THSD7B: variants seen among roughly 807,000 people sequenced by gnomAD.
THSD7B encodes thrombospondin type-1 domain-containing protein 7B.
A neutral mutation model predicts 213.6 loss-of-function variants in THSD7B; 138 were observed. That is an observed-to-expected ratio of 0.65 (90% CI 0.56 to 0.74). THSD7B has a LOEUF of 0.74. THSD7B is among the 30% of genes least tolerant of loss of function. The pLI, the probability that THSD7B is intolerant of heterozygous loss-of-function variation, is 0.00. For missense variants in THSD7B, 1,931 were observed against 1,991.5 expected (o/e 0.97, Z 0.58); for synonymous variants, 742 against 687.0 (o/e 1.08, Z -1.25).
chr2:137,259,452 TTA>T (rs1231256648), intron 10 of THSD7B, among the ~76,000 whole-genome samples: 1 of 152,232 alleles, frequency 6.6e-6, no homozygotes, highest in East Asian at 1.9e-4. Context: ...ATGAGCTTTT[TTA>T]TATATGTTTG....
intron 7 of THSD7B, among the ~76,000 whole-genome samples, chr2:137,193,254 T>G (rs2105016603): frequency 6.6e-6 from 1 of 152,330 alleles, no homozygotes; most frequent in East Asian, 1.9e-4. Flanking sequence ...TGAACATTCA[T>G]GTGGATGTGT....
chr2:137,527,955 C>T (rs1680310289), intron 15 of THSD7B, among the ~76,000 whole-genome samples: 1 of 152,000 alleles, frequency 6.6e-6, no homozygotes, highest in Middle Eastern at 3.2e-3. Context: ...CAATTAATTC[C>T]TAGAGCCTAC....
At chr2:137,676,460 C>G in intron 27 of THSD7B, 64 bp from the exon 28 acceptor site, 1 of 1,409,808 alleles carries the variant, frequency 7.1e-7, no homozygotes, top group Admixed American at 2.7e-5. Flanking sequence ...TCAAAATTGT[C>G]TTTGGCAGAT....
intron 14 of THSD7B, among the ~76,000 whole-genome samples, chr2:137,440,904 T>G (rs1687394832): frequency 6.6e-6 from 1 of 152,052 alleles, no homozygotes; most frequent in Admixed American, 6.5e-5. Flanking sequence ...ATGAGACACA[T>G]AGAGAAATCT....
intron 7 of THSD7B, among the ~76,000 whole-genome samples, chr2:137,181,214 A>C (rs1680446163): frequency 6.6e-6 from 1 of 152,192 alleles, no homozygotes; most frequent in Non-Finnish European, 1.5e-5. Flanking sequence ...AGATATGTGA[A>C]ATCACAAAGA....
chr2:137,125,544 A>G (rs1005336277), intron 5 of THSD7B, among the ~76,000 whole-genome samples: 1 of 152,164 alleles, frequency 6.6e-6, no homozygotes, highest in Non-Finnish European at 1.5e-5. Context: ...ATGTGTAGTT[A>G]CTTATTCCAC....
chr2:136,972,933 A>T (rs1255932811), intron 2 of THSD7B, among the ~76,000 whole-genome samples: 1 of 152,132 alleles, frequency 6.6e-6, no homozygotes, highest in South Asian at 2.1e-4. Flanking sequence ...TGAGATTCAG[A>T]TAAATTCTTC....
intron 4 of THSD7B, 140 bp from the exon 5 acceptor site, chr2:137,114,984 A>G: frequency 1.2e-6 from 1 of 818,154 alleles, no homozygotes; most frequent in Non-Finnish European, 1.9e-6. Flanking sequence ...ATTCAAAGCT[A>G]GTATACTTCT....
intron 2 of THSD7B, among the ~76,000 whole-genome samples, chr2:136,954,121 A>G (rs1685084016): frequency 6.6e-6 from 1 of 152,208 alleles, no homozygotes; most frequent in Non-Finnish European, 1.5e-5. Context: ...GTTTGCAATA[A>G]TCGGTTGTTT....
chr2:136,962,756 A>G (rs543119832), intron 2 of THSD7B, among the ~76,000 whole-genome samples: 2 of 152,334 alleles, frequency 1.3e-5, no homozygotes, highest in South Asian at 4.1e-4. Flanking sequence ...AAAGCACTAC[A>G]GAAAATAATA....
chr2:137,288,683 A>G (rs1683243932), intron 12 of THSD7B, among the ~76,000 whole-genome samples: 1 of 152,078 alleles, frequency 6.6e-6, no homozygotes, highest in Admixed American at 6.6e-5. Flanking sequence ...ATAGGATAAT[A>G]TTGACATTAA....
chr2:136,802,403 C>T (rs886816407), intron 1 of THSD7B, among the ~76,000 whole-genome samples: 2 of 151,656 alleles, frequency 1.3e-5, no homozygotes, highest in African/African-American at 4.8e-5. Flanking sequence ...GGCCAAAGAC[C>T]TGAATTCCTT....
At chr2:137,035,852 G>T (rs1686764552) in intron 2 of THSD7B, among the ~76,000 whole-genome samples, 1 of 152,084 alleles carries the variant, frequency 6.6e-6, no homozygotes, top group South Asian at 2.1e-4. Context: ...ACTATAAAAT[G>T]CTTTTTGGGA....
At chr2:137,033,437 C>G (rs999336654) in intron 2 of THSD7B, among the ~76,000 whole-genome samples, 1 of 152,146 alleles carries the variant, frequency 6.6e-6, no homozygotes, top group Non-Finnish European at 1.5e-5. Context: ...ACAGTCACTT[C>G]CATCACATCT....
intron 15 of THSD7B, among the ~76,000 whole-genome samples, chr2:137,539,632 T>C (rs754401746): frequency 4.6e-5 from 7 of 151,750 alleles, no homozygotes; most frequent in Non-Finnish European, 1.0e-4. Flanking sequence ...ATTCACATCA[T>C]AATCTCATAT....
intron 7 of THSD7B, among the ~76,000 whole-genome samples, chr2:137,172,022 A>G (rs1680263289): frequency 6.6e-6 from 1 of 152,188 alleles, no homozygotes; most frequent in African/African-American, 2.4e-5. Context: ...TAATTTTTGA[A>G]TTGTGGTAAC....
At chr2:136,923,172 A>G (rs1439002056) in intron 2 of THSD7B, among the ~76,000 whole-genome samples, 9 of 152,048 alleles carry the variant, frequency 5.9e-5, no homozygotes, top group African/African-American at 2.2e-4. Flanking sequence ...TGTGATTTTG[A>G]CCGCTTTAGC....
At chr2:136,907,674 C>G (rs72981668) in intron 2 of THSD7B, among the ~76,000 whole-genome samples, 8,310 of 152,254 alleles carry the variant, frequency 0.055, 250 homozygotes, top group Middle Eastern at 0.18. Context: ...TAGTAAATTA[C>G]TAAAAATCTA....
chr2:136,857,832 A>G (rs1464170611), intron 1 of THSD7B, among the ~76,000 whole-genome samples: 1 of 152,168 alleles, frequency 6.6e-6, no homozygotes, highest in Non-Finnish European at 1.5e-5. Flanking sequence ...TTGAACATCG[A>G]TTTATCATTT....
Sources: allele counts gnomAD v4.1 joint callset (sites outside exome capture counted in the v4.1 genomes callset), GRCh38; gene constraint gnomAD v4.1.1; transcripts MANE v1.5; gene names NCBI Gene and HGNC (gene_info 2026-07-23, HGNC 2026-07-21).